YWHAG: variants seen among roughly 807,000 people sequenced by gnomAD.
YWHAG encodes 14-3-3 protein gamma.
In YWHAG, 1 loss-of-function variant was observed where a neutral mutation model predicts 23.3. The ratio of observed to expected loss-of-function variants is 0.04; its 90% CI spans 0.02 to 0.20. YWHAG has a LOEUF of 0.20. Among genes scored for constraint, YWHAG ranks in the 10% least tolerant of loss-of-function variants. The pLI, the probability that YWHAG is intolerant of heterozygous loss-of-function variation, is 1.00. For missense variants in YWHAG, 151 were observed against 338.6 expected (o/e 0.45, Z 4.35); for synonymous variants, 160 against 144.0 (o/e 1.11, Z -0.80).
chr7:76,349,454 C>CAG (rs1400394736), intron 1 of YWHAG, among the ~76,000 whole-genome samples: 1 of 150,574 alleles, frequency 6.6e-6, no homozygotes, highest in Non-Finnish European at 1.5e-5. Context: ...GACACACACA[C>CAG]ACACACACAC....
intron 1 of YWHAG, among the ~76,000 whole-genome samples, chr7:76,353,272 G>A (rs551360774): frequency 3.3e-5 from 5 of 152,088 alleles, no homozygotes; most frequent in Admixed American, 2.6e-4. Context: ...GAGTGCAGTG[G>A]TGCAATCTCA....
rs549799767 is a variant in YWHAG at position 76,327,107 on chromosome 7, C to T, written c.*2470G>A. On this transcript the variant is annotated 3_prime_UTR_variant, in exon 2 of 2. Coordinates refer to ENST00000307630, the MANE Select transcript of YWHAG (RefSeq NM_012479.4). ...ACACTGGTGTTTCTTTTGCTCCCCC[C>T]CTTTTAAAAACAAAATATATAACTG... 1.3e-5 allele frequency: 2 copies of T among 152,410 alleles called. No homozygotes were observed. The highest frequency in any genetic ancestry group is 2.9e-5 in the Non-Finnish European group (2 of 68,008). 9.4% of individuals were successfully genotyped at this position (152,410 alleles called of 1,614,324 possible). A position where few individuals can be genotyped will look rare whatever the true frequency, so the allele number is the denominator to read the frequency against.
intron 1 of YWHAG, among the ~76,000 whole-genome samples, chr7:76,352,994 C>G (rs1484236969): frequency 1.3e-5 from 2 of 152,072 alleles, no homozygotes; most frequent in Non-Finnish European, 2.9e-5. Flanking sequence ...TAGTAGTATT[C>G]AACTCAGGTA....
At chr7:76,357,340 G>A (rs1803976286) in intron 1 of YWHAG, among the ~76,000 whole-genome samples, 1 of 152,190 alleles carries the variant, frequency 6.6e-6, no homozygotes, top group Non-Finnish European at 1.5e-5. Flanking sequence ...TTTAAAAGAT[G>A]TAACACGCAA....
At chr7:76,357,405 A>AT in intron 1 of YWHAG, among the ~76,000 whole-genome samples, 1 of 152,370 alleles carries the variant, frequency 6.6e-6, no homozygotes, top group East Asian at 1.9e-4. Flanking sequence ...TCTTTGTTAC[A>AT]TAAGGCAGGA....
At chr7:76,331,438 C>A (rs1190012772) in intron 1 of YWHAG, among the ~76,000 whole-genome samples, 1 of 152,158 alleles carries the variant, frequency 6.6e-6, no homozygotes, top group East Asian at 1.9e-4. Flanking sequence ...ATCTACTAAA[C>A]CAAGCTTATC....
chr7:76,344,007 G>A (rs1163367815), intron 1 of YWHAG, among the ~76,000 whole-genome samples: 1 of 152,166 alleles, frequency 6.6e-6, no homozygotes, highest in African/African-American at 2.4e-5. Flanking sequence ...GTCAAAGCCC[G>A]AGATCTATCT....
intron 1 of YWHAG, among the ~76,000 whole-genome samples, chr7:76,355,901 T>C (rs1803948050): frequency 6.6e-6 from 1 of 152,336 alleles, no homozygotes; most frequent in East Asian, 1.9e-4. Flanking sequence ...GTCTAATACG[T>C]AGGATACATC....
intron 1 of YWHAG, among the ~76,000 whole-genome samples, chr7:76,332,706 T>C: frequency 6.6e-6 from 1 of 151,496 alleles, no homozygotes; most frequent in Admixed American, 6.6e-5. Context: ...TTTTTTTTTT[T>C]TGGAGACAGA....
intron 1 of YWHAG, among the ~76,000 whole-genome samples, chr7:76,333,210 TC>T (rs1435413184): frequency 2.0e-5 from 3 of 152,106 alleles, no homozygotes; most frequent in Non-Finnish European, 2.9e-5. Context: ...CCTCAAGTGA[TC>T]CACCCACCTT....
At chr7:76,332,125 C>T (rs1444932298) in intron 1 of YWHAG, among the ~76,000 whole-genome samples, 1 of 152,148 alleles carries the variant, frequency 6.6e-6, no homozygotes, top group African/African-American at 2.4e-5. Context: ...TCCTACCAGC[C>T]GTGCCCTCAG....
intron 1 of YWHAG, among the ~76,000 whole-genome samples, chr7:76,348,694 G>T (rs558304407): frequency 6.6e-6 from 1 of 150,678 alleles, no homozygotes; most frequent in African/African-American, 2.4e-5. Context: ...GTGAGCCACC[G>T]CGCCCGGCCT....
chr7:76,344,731 A>C (rs1325960334), intron 1 of YWHAG, among the ~76,000 whole-genome samples: 3 of 152,184 alleles, frequency 2.0e-5, no homozygotes, highest in African/African-American at 7.2e-5. Flanking sequence ...TGAATTATAA[A>C]CATTAGTTGA....
At chr7:76,356,878 T>C (rs1803969455) in intron 1 of YWHAG, among the ~76,000 whole-genome samples, 1 of 152,226 alleles carries the variant, frequency 6.6e-6, no homozygotes, top group Non-Finnish European at 1.5e-5. Context: ...CGATTCCACC[T>C]GGCTTATCGG....
At position 76,335,666 on chromosome 7, in the gene YWHAG, A is replaced by T. The variant is rs932665888; in HGVS notation, c.88-5433T>A. Reference sequence around the variant, plus strand: ...ACCAAGAACCTTACATTGTAATGGTAGGGACCAGACACAGCCGCTCACCTC... The same window carrying T: ...ACCAAGAACCTTACATTGTAATGGTTGGGACCAGACACAGCCGCTCACCTC... On this transcript the variant is annotated intron_variant, in intron 1 of 1. Transcript: ENST00000307630. Among the ~76,000 whole-genome samples, 17 of 152,324 alleles carry T rather than the reference A, an allele frequency of 1.1e-4. 1 individual carries two copies. The highest frequency in any genetic ancestry group is 1.0e-3 in the South Asian group (5 of 4,826).
chr7:76,329,180 C>T lies in YWHAG; in HGVS notation c.*397G>A, dbSNP rs879085474. On this transcript the variant is annotated 3_prime_UTR_variant, in exon 2 of 2. Transcript: ENST00000307630. The surrounding 1 kb of genome is among the most constrained non-coding windows in gnomAD (Gnocchi z 6.1). ...CAGATGAGATAGAAAGTACCCAAAA[C>T]GAGAGACGAGAGCGTATGTACATAA... The T allele has an allele frequency of 5.5e-6, 1 of 183,034 alleles. No individual in the cohort carries two copies. 11.3% of individuals were successfully genotyped at this position (183,034 alleles called of 1,614,324 possible).
intron 1 of YWHAG, among the ~76,000 whole-genome samples, chr7:76,351,931 G>T (rs1444197375): frequency 6.6e-6 from 1 of 152,048 alleles, no homozygotes; most frequent in Non-Finnish European, 1.5e-5. Flanking sequence ...CCATGAAACG[G>T]GTCCCTGGTG....
Position 76,358,852 on chromosome 7 carries a change from G to A in YWHAG, c.-44C>T, listed in dbSNP as rs1456466696. The A allele has an allele frequency of 7.0e-6, 11 of 1,563,336 alleles. No individual in the cohort carries two copies. Among genetic ancestry groups the A allele is most frequent in the Middle Eastern group, 1.7e-4 (1 of 5,796 alleles). ...GGCCGGAGAAGGAGGAGGACACTGG[G>A]GCGGCCTGAAGGGCTTGGAGGGCGC... On this transcript the variant is annotated 5_prime_UTR_variant, in exon 1 of 2. Coordinates refer to ENST00000307630, the MANE Select transcript of YWHAG (RefSeq NM_012479.4).
intron 1 of YWHAG, among the ~76,000 whole-genome samples, chr7:76,331,260 C>T (rs780269647): frequency 2.1e-4 from 30 of 145,178 alleles, no homozygotes; most frequent in Non-Finnish European, 3.4e-4. Context: ...CTGGGACTAC[C>T]AGCACATGCC....
Sources: allele counts gnomAD v4.1 joint callset (sites outside exome capture counted in the v4.1 genomes callset), GRCh38; gene constraint gnomAD v4.1.1; non-coding constraint Gnocchi (gnomAD v3.1); transcripts MANE v1.5; gene names NCBI Gene and HGNC (gene_info 2026-07-23, HGNC 2026-07-21).